Variants in RNF150 observed in about 807,000 individuals in gnomAD.
RNF150 encodes the protein ring finger protein 150.
A neutral mutation model predicts 39.3 loss-of-function variants in RNF150; 24 were observed. That is an observed-to-expected ratio of 0.61 (90% CI 0.44 to 0.86). The LOEUF is 0.86. RNF150 is among the 40% of genes least tolerant of loss of function. The probability of loss-of-function intolerance (pLI) is 0.00; values close to 1 mark genes in which losing one functional copy is unlikely to be tolerated. For missense variants in RNF150, 502 were observed against 587.8 expected (o/e 0.85, Z 1.51); for synonymous variants, 255 against 227.3 (o/e 1.12, Z -1.10).
intron 1 of RNF150, among the ~76,000 whole-genome samples, chr4:141,030,108 G>A (rs1330965830): frequency 1.3e-5 from 2 of 151,906 alleles, no homozygotes; most frequent in Non-Finnish European, 2.9e-5. Flanking sequence ...GCAGGAGAAT[G>A]GTGGGAACCC....
At chr4:141,126,508 T>C (rs1209499037) in intron 1 of RNF150, among the ~76,000 whole-genome samples, 1 of 152,192 alleles carries the variant, frequency 6.6e-6, no homozygotes, top group Non-Finnish European at 1.5e-5. Context: ...CAAGTTTGGC[T>C]ACATAAAGAT....
rs79499943 is a variant in RNF150, at chr4:140,969,721, T to C, written c.485-1848A>G. On this transcript the variant is annotated intron_variant, in intron 1 of 6. Coordinates refer to ENST00000515673, the MANE Select transcript of RNF150 (RefSeq NM_020724.2). ...TGGGACAGGATCTTGGGGTTATTTA[T>C]GAGGCTTTGGATGTTCAGAAATGCA... 8.3e-3 allele frequency among the ~76,000 whole-genome samples: 1,256 copies of C among 151,324 alleles called. 8 individuals carry two copies. The highest frequency in any genetic ancestry group is 0.013 in the Non-Finnish European group (879 of 67,876).
At chr4:141,054,787 T>C (rs905337547) in intron 1 of RNF150, among the ~76,000 whole-genome samples, 8 of 152,094 alleles carry the variant, frequency 5.3e-5, no homozygotes, top group Admixed American at 5.2e-4. Flanking sequence ...TACTGAGAAA[T>C]GTGAGCAAGA....
intron 6 of RNF150, among the ~76,000 whole-genome samples, chr4:140,905,176 T>C (rs1730328886): frequency 6.6e-6 from 1 of 152,226 alleles, no homozygotes; most frequent in African/African-American, 2.4e-5. Flanking sequence ...CAATTTTGTC[T>C]TGTAAGTGCA....
intron 1 of RNF150, among the ~76,000 whole-genome samples, chr4:141,131,808 T>G (rs1019471784): frequency 6.6e-6 from 1 of 152,130 alleles, no homozygotes; most frequent in African/African-American, 2.4e-5. Context: ...ACTTTTAATA[T>G]GATTAATGAA....
intron 1 of RNF150, among the ~76,000 whole-genome samples, chr4:141,041,631 C>T (rs1429103503): frequency 6.6e-6 from 1 of 151,908 alleles, no homozygotes; most frequent in Middle Eastern, 3.2e-3. Context: ...GGCTGTTTTG[C>T]CTAAAAAAGG....
chr4:141,151,589 G>T (rs559554796), intron 1 of RNF150, among the ~76,000 whole-genome samples: 6 of 151,992 alleles, frequency 3.9e-5, no homozygotes, highest in African/African-American at 1.4e-4. Context: ...AATCTAAAAG[G>T]ATCAGAAAAA....
intron 1 of RNF150, among the ~76,000 whole-genome samples, chr4:141,060,470 A>G (rs1388323514): frequency 6.6e-6 from 1 of 152,184 alleles, no homozygotes; most frequent in East Asian, 1.9e-4. Context: ...AAAGAAAATA[A>G]AAGAAAATTT....
chr4:141,093,028 GA>G (rs1012207554), intron 1 of RNF150, among the ~76,000 whole-genome samples: 1 of 152,138 alleles, frequency 6.6e-6, no homozygotes, highest in African/African-American at 2.4e-5. Context: ...ACCCATGGGG[GA>G]AAGAAGACAA....
intron 1 of RNF150, among the ~76,000 whole-genome samples, chr4:141,172,222 G>C (rs1304469915): frequency 6.6e-6 from 1 of 152,100 alleles, no homozygotes; most frequent in Non-Finnish European, 1.5e-5. Flanking sequence ...GAGCTAGCTG[G>C]GGCATTTGCT....
chr4:140,930,170 C>T (rs1467357860), intron 4 of RNF150, among the ~76,000 whole-genome samples: 1 of 152,096 alleles, frequency 6.6e-6, no homozygotes, highest in African/African-American at 2.4e-5. Context: ...CAAAACCAAC[C>T]AACCAACCCA....
chr4:140,971,581 G>A (rs867126186), intron 1 of RNF150, among the ~76,000 whole-genome samples: 6 of 152,216 alleles, frequency 3.9e-5, no homozygotes, highest in Middle Eastern at 3.4e-3. Flanking sequence ...CTCTGGAAAA[G>A]CTCTACAGTC....
intron 1 of RNF150, among the ~76,000 whole-genome samples, chr4:141,176,859 A>G (rs954183790): frequency 1.8e-4 from 27 of 148,512 alleles, no homozygotes; most frequent in African/African-American, 6.3e-4. Context: ...CACAAAAGGG[A>G]TAATATCATA....
At chr4:141,069,702 G>T (rs1432005223) in intron 1 of RNF150, among the ~76,000 whole-genome samples, 1 of 150,020 alleles carries the variant, frequency 6.7e-6, no homozygotes, top group Non-Finnish European at 1.5e-5. Context: ...GACTCTTTTT[G>T]GTTGGTAAAC....
chr4:141,158,915 A>C (rs1333480639), intron 1 of RNF150, among the ~76,000 whole-genome samples: 2 of 152,082 alleles, frequency 1.3e-5, no homozygotes, highest in Non-Finnish European at 2.9e-5. Flanking sequence ...CTTTTTGTTA[A>C]GTTTATGTTA....
At chr4:141,078,686 A>C (rs1011753955) in intron 1 of RNF150, among the ~76,000 whole-genome samples, 47 of 149,012 alleles carry the variant, frequency 3.2e-4, no homozygotes, top group African/African-American at 1.0e-3. Context: ...GCTACTCAGG[A>C]GGCTGAGGCA....
intron 1 of RNF150, among the ~76,000 whole-genome samples, chr4:141,001,066 G>A (rs540027391): frequency 1.4e-4 from 21 of 152,280 alleles, no homozygotes; most frequent in African/African-American, 4.6e-4. Flanking sequence ...TGTTGGAGAT[G>A]CACAGATTCA....
intron 1 of RNF150, among the ~76,000 whole-genome samples, chr4:141,056,535 G>C (rs936130060): frequency 3.3e-5 from 5 of 151,990 alleles, no homozygotes; most frequent in Non-Finnish European, 7.4e-5. Flanking sequence ...ATCACCCATG[G>C]TCTTTTTATA....
intron 1 of RNF150, among the ~76,000 whole-genome samples, chr4:141,163,497 C>T (rs1440373734): frequency 6.6e-6 from 1 of 152,194 alleles, no homozygotes; most frequent in Non-Finnish European, 1.5e-5. Flanking sequence ...GGGCCCTGTG[C>T]CTCCTGACTG....
Sources: allele counts gnomAD v4.1 joint callset (sites outside exome capture counted in the v4.1 genomes callset), GRCh38; gene constraint gnomAD v4.1.1; transcripts MANE v1.5; gene names NCBI Gene and HGNC (gene_info 2026-07-23, HGNC 2026-07-21).